Variants in SPON1 observed in about 807,000 individuals in gnomAD.
The protein encoded by SPON1 is spondin 1.
SPON1 carries 52 observed loss-of-function variants against 111.7 expected under a neutral mutation model. The ratio of observed to expected loss-of-function variants is 0.47; its 90% CI spans 0.37 to 0.59. SPON1 has a LOEUF of 0.59. SPON1 is among the 20% of genes least tolerant of loss of function. The pLI, the probability that SPON1 is intolerant of heterozygous loss-of-function variation, is 0.00. For missense variants in SPON1, 957 were observed against 1,068.5 expected (o/e 0.90, Z 1.46); for synonymous variants, 410 against 395.8 (o/e 1.04, Z -0.43).
intron 6 of SPON1, among the ~76,000 whole-genome samples, chr11:14,204,214 G>A (rs1322698499): frequency 6.6e-6 from 1 of 152,234 alleles, no homozygotes; most frequent in African/African-American, 2.4e-5. Context: ...GGGAGGAAGG[G>A]TACAGCTCTT....
chr11:13,965,153 G>A (rs1207141641), intron 1 of SPON1, among the ~76,000 whole-genome samples: 2 of 152,092 alleles, frequency 1.3e-5, no homozygotes, highest in Non-Finnish European at 2.9e-5. Context: ...TTTTGTTTTT[G>A]AAGAGTGTTG....
intron 6 of SPON1, among the ~76,000 whole-genome samples, chr11:14,138,196 T>C (rs1400227333): frequency 6.6e-6 from 1 of 152,214 alleles, no homozygotes; most frequent in Non-Finnish European, 1.5e-5. Context: ...AAGACATTTA[T>C]ATGCTTACCA....
intron 7 of SPON1, among the ~76,000 whole-genome samples, chr11:14,249,079 T>C (rs1213242067): frequency 6.6e-6 from 1 of 152,246 alleles, no homozygotes; most frequent in East Asian, 1.9e-4. Flanking sequence ...CTGGGACTTT[T>C]ACAAATAACT....
At chr11:14,005,231 G>A (rs142585295) in intron 2 of SPON1, among the ~76,000 whole-genome samples, 2,711 of 152,202 alleles carry the variant, frequency 0.018, 32 homozygotes, top group Non-Finnish European at 0.026. Context: ...TTTGTTGTTG[G>A]CAGCTGCCCT....
At chr11:14,018,135 C>T (rs980634535) in intron 2 of SPON1, among the ~76,000 whole-genome samples, 6 of 152,080 alleles carry the variant, frequency 3.9e-5, no homozygotes, top group East Asian at 3.9e-4. Context: ...GGTCTTGTTG[C>T]GAATTTGTGG....
At chr11:14,084,169 T>C (rs1237128406) in intron 5 of SPON1, among the ~76,000 whole-genome samples, 2 of 152,158 alleles carry the variant, frequency 1.3e-5, no homozygotes, top group Non-Finnish European at 2.9e-5. Flanking sequence ...GGGATATGTG[T>C]GCAGAATGTG....
intron 2 of SPON1, among the ~76,000 whole-genome samples, chr11:13,988,213 T>A (rs553364272): frequency 5.4e-4 from 82 of 152,334 alleles, no homozygotes; most frequent in Non-Finnish European, 6.8e-4. Context: ...TTTGTTTGTG[T>A]CCTCTCTTTT....
intron 2 of SPON1, among the ~76,000 whole-genome samples, chr11:14,035,039 AAG>A (rs2133810445): frequency 6.6e-6 from 1 of 152,372 alleles, no homozygotes; most frequent in South Asian, 2.1e-4. Flanking sequence ...AAAGCTGCAG[AAG>A]AGAGTCTAAG....
intron 2 of SPON1, among the ~76,000 whole-genome samples, chr11:14,026,532 T>C (rs1291972298): frequency 6.6e-6 from 1 of 152,178 alleles, no homozygotes; most frequent in Non-Finnish European, 1.5e-5. Flanking sequence ...TTAAGTCTCT[T>C]CTGAAATAAC....
intron 5 of SPON1, among the ~76,000 whole-genome samples, chr11:14,081,925 A>G (rs572711769): frequency 1.2e-4 from 19 of 152,276 alleles, no homozygotes; most frequent in Middle Eastern, 6.8e-3. Flanking sequence ...GCCTCTTTCT[A>G]GTTCATTCTT....
rs1564919792 is a variant in SPON1 at position 14,160,945 on chromosome 11, T to TTATATATTTATATATTTATA, written c.825+25392_825+25393insTTATATATATATTTATATAT. Among the ~76,000 whole-genome samples the TTATATATTTATATATTTATA allele has an allele frequency of 1.8e-3, 71 of 40,332 alleles. 3 individuals carry two copies. The highest frequency in any genetic ancestry group is 6.0e-3 in the African/African-American group (67 of 11,216). 26.5% of individuals were successfully genotyped at this position (40,332 alleles called of 152,430 possible). Reference sequence around the variant, plus strand: ...TATATTTATATATTTATATATATATTTATATATTTATATATATTTATATAT... The same window carrying TTATATATTTATATATTTATA: ...TATATTTATATATTTATATATATATTTATATATTTATATATTTATATATATATTTATATATATTTATATAT... On this transcript the variant is annotated intron_variant, in intron 6 of 15. Transcript: ENST00000576479.
At chr11:14,246,782 A>G (rs1022096611) in intron 7 of SPON1, among the ~76,000 whole-genome samples, 4 of 152,212 alleles carry the variant, frequency 2.6e-5, no homozygotes, top group Non-Finnish European at 5.9e-5. Flanking sequence ...TTACTAAATG[A>G]TCACACAAAT....
intron 5 of SPON1, among the ~76,000 whole-genome samples, chr11:14,085,622 G>T (rs1289082678): frequency 6.6e-6 from 1 of 152,136 alleles, no homozygotes; most frequent in African/African-American, 2.4e-5. Flanking sequence ...GATTGTCTTG[G>T]CTATACAGGC....
intron 2 of SPON1, among the ~76,000 whole-genome samples, chr11:13,984,126 G>A (rs1320218630): frequency 6.6e-6 from 1 of 152,098 alleles, no homozygotes; most frequent in Non-Finnish European, 1.5e-5. Context: ...TATTTGTTGG[G>A]TACATACCAT....
chr11:14,232,162 A>G (rs1848810729), intron 6 of SPON1, among the ~76,000 whole-genome samples: 1 of 151,828 alleles, frequency 6.6e-6, no homozygotes, highest in Non-Finnish European at 1.5e-5. Context: ...GGCTTCCTCC[A>G]CCACTCTAAA....
chr11:14,155,968 A>G lies in SPON1; in HGVS notation c.825+20400A>G, dbSNP rs1334404254. On this transcript the variant is annotated intron_variant, in intron 6 of 15. Coordinates refer to ENST00000576479, the MANE Select transcript of SPON1 (RefSeq NM_006108.4). ...AGTGCCGCAATAAACATACATGTGC[A>G]TGTGTCTTTATAGCAGCATGATTTA... 3.0e-5 allele frequency among the ~76,000 whole-genome samples: 4 copies of G among 131,834 alleles called. 1 individual carries two copies. Among genetic ancestry groups the G allele is most frequent in the South Asian group, 2.6e-4 (1 of 3,916 alleles). 86.5% of individuals were successfully genotyped at this position (131,834 alleles called of 152,430 possible).
chr11:14,218,399 A>G (rs1554937309), intron 6 of SPON1, among the ~76,000 whole-genome samples: 1 of 152,194 alleles, frequency 6.6e-6, no homozygotes. Flanking sequence ...ACCTGGAGTC[A>G]GTATCTCCCT....
intron 1 of SPON1, among the ~76,000 whole-genome samples, chr11:13,979,233 A>T (rs1848125879): frequency 6.6e-6 from 1 of 151,848 alleles, no homozygotes; most frequent in Non-Finnish European, 1.5e-5. Context: ...TGGCTCTAAT[A>T]TCTGCCTCTG....
intron 7 of SPON1, among the ~76,000 whole-genome samples, chr11:14,252,494 A>G (rs895783852): frequency 1.0e-4 from 14 of 137,238 alleles, no homozygotes; most frequent in Non-Finnish European, 2.2e-4. Flanking sequence ...AGAGTGTGGG[A>G]ATCCAGCGCT....
Sources: gnomAD v4.1 joint callset for allele counts (sites outside exome capture counted in the v4.1 genomes callset) on GRCh38, gnomAD v4.1.1 for gene constraint, MANE v1.5 for transcripts, NCBI Gene and HGNC (gene_info 2026-07-23, HGNC 2026-07-21) for gene names.